The following NPFFR2 variants were observed in gnomAD, a reference collection of about 807,000 sequenced individuals.
NPFFR2 encodes the protein neuropeptide FF receptor 2.
NPFFR2 carries 15 observed loss-of-function variants against 13.1 expected under a neutral mutation model. The ratio of observed to expected loss-of-function variants is 1.15; its 90% CI spans 0.77 to 1.76. NPFFR2 has a LOEUF of 1.76. Among genes scored for constraint, NPFFR2 ranks in the 40% most tolerant of loss-of-function variants. The probability of loss-of-function intolerance (pLI) is 0.00; values close to 1 mark genes in which losing one functional copy is unlikely to be tolerated. For missense variants in NPFFR2, 572 were observed against 503.5 expected, an observed-to-expected ratio of 1.14 and a Z score of -1.30; for synonymous variants, 190 against 175.7, an observed-to-expected ratio of 1.08 and a Z score of -0.65.
At chr4:72,133,115 A>G (rs1181491723) in intron 2 of NPFFR2, among the ~76,000 whole-genome samples, 2 of 152,114 alleles carry the variant, frequency 1.3e-5, no homozygotes, top group African/African-American at 4.8e-5. Flanking sequence ...GTTGTCTTCC[A>G]GAGTTTTCAT....
At chr4:72,057,313 C>T (rs1190505526) in intron 1 of NPFFR2, among the ~76,000 whole-genome samples, 1 of 151,852 alleles carries the variant, frequency 6.6e-6, no homozygotes, top group African/African-American at 2.4e-5. Context: ...AATGTGGTGG[C>T]TTAAAACAAT....
intron 1 of NPFFR2, among the ~76,000 whole-genome samples, chr4:72,109,870 C>T (rs566994191): frequency 3.8e-4 from 57 of 151,954 alleles, no homozygotes; most frequent in Non-Finnish European, 6.5e-4. Context: ...GGGTGTATTG[C>T]CGTTGTTTTC....
chr4:72,143,483 A>G (rs1722692416), intron 3 of NPFFR2, among the ~76,000 whole-genome samples: 1 of 152,188 alleles, frequency 6.6e-6, no homozygotes. Flanking sequence ...TTCTTGTTCT[A>G]TTCAGGCCCT....
chr4:72,140,772 C>T (rs531085534), intron 3 of NPFFR2, among the ~76,000 whole-genome samples: 3 of 152,072 alleles, frequency 2.0e-5, no homozygotes, highest in Non-Finnish European at 2.9e-5. Flanking sequence ...TGATGCTGGC[C>T]TCATAAAATG....
intron 3 of NPFFR2, among the ~76,000 whole-genome samples, chr4:72,143,531 A>C (rs1162082643): frequency 6.6e-6 from 1 of 152,210 alleles, no homozygotes; most frequent in East Asian, 1.9e-4. Flanking sequence ...CTGGGAGGGC[A>C]ATCCACTTTA....
intron 2 of NPFFR2, among the ~76,000 whole-genome samples, chr4:72,136,261 G>A (rs1374205887): frequency 6.6e-6 from 1 of 152,126 alleles, no homozygotes; most frequent in Non-Finnish European, 1.5e-5. Flanking sequence ...AGGAGCTTGA[G>A]GTAGGAGGAT....
At chr4:72,073,858 GAAAA>G (rs1720340724) in intron 1 of NPFFR2, among the ~76,000 whole-genome samples, 1 of 151,124 alleles carries the variant, frequency 6.6e-6, no homozygotes, top group Admixed American at 6.6e-5. Context: ...GGTAACTACA[GAAAA>G]ATAACTAAAG....
At chr4:72,043,122 A>G (rs1490621027) in intron 1 of NPFFR2, among the ~76,000 whole-genome samples, 1 of 152,178 alleles carries the variant, frequency 6.6e-6, no homozygotes, top group African/African-American at 2.4e-5. Flanking sequence ...GCAATTCCCA[A>G]TCCTTGGTAG....
intron 1 of NPFFR2, among the ~76,000 whole-genome samples, chr4:72,098,022 C>A (rs1475987466): frequency 1.3e-5 from 2 of 152,096 alleles, no homozygotes; most frequent in East Asian, 1.9e-4. Flanking sequence ...TGTTTACATA[C>A]AAGTCTTGCT....
intron 1 of NPFFR2, among the ~76,000 whole-genome samples, chr4:72,045,579 T>G (rs1052594844): frequency 1.3e-5 from 2 of 152,318 alleles, no homozygotes; most frequent in Admixed American, 6.5e-5. Context: ...AATTCCCAAA[T>G]GCATTTAGTA....
chr4:72,034,342 A>C (rs1718991961), intron 1 of NPFFR2, among the ~76,000 whole-genome samples: 1 of 152,216 alleles, frequency 6.6e-6, no homozygotes, highest in Admixed American at 6.5e-5. Flanking sequence ...CAATCATGGC[A>C]GAAGGGGAAG....
intron 1 of NPFFR2, among the ~76,000 whole-genome samples, chr4:72,106,393 C>G (rs1721420062): frequency 6.6e-6 from 1 of 151,984 alleles, no homozygotes; most frequent in Non-Finnish European, 1.5e-5. Context: ...CTTTGGTACT[C>G]TATAGTGAGG....
intron 1 of NPFFR2, chr4:72,068,804 T>G (rs1720154567): frequency 5.2e-6 from 2 of 384,852 alleles, no homozygotes; most frequent in South Asian, 7.1e-5. Context: ...TTAATAATGC[T>G]TAAGTTCTAG....
chr4:72,137,587 C>T (rs147205031), intron 2 of NPFFR2, among the ~76,000 whole-genome samples: 34 of 152,230 alleles, frequency 2.2e-4, no homozygotes, highest in African/African-American at 7.2e-4. Context: ...AGAAAACCGA[C>T]GTTCTGACTG....
At chr4:72,100,646 T>C (rs1479389399) in intron 1 of NPFFR2, among the ~76,000 whole-genome samples, 1 of 152,054 alleles carries the variant, frequency 6.6e-6, no homozygotes, top group Non-Finnish European at 1.5e-5. Context: ...AATTTAAAAG[T>C]GTACTTTTCT....
chr4:72,147,218 G>A lies in NPFFR2; in HGVS notation c.669G>A (p.Leu223=). The change falls in exon 4 of 4, where the codon CTG becomes CTA. Residue 223 remains leucine (L), a synonymous_variant. Transcript: ENST00000308744. ...TGAGGAAGATCTACACCACTGTGCT[G>A]TTTGCCAACATCTACCTGGCTCCCC... ...QEMRKIYTTV[L]FANIYLAPLS... The A allele has an allele frequency of 1.9e-6, 3 of 1,614,130 alleles. No homozygotes were observed. Among genetic ancestry groups the A allele is most frequent in the Non-Finnish European group, 2.5e-6 (3 of 1,180,016 alleles).
intron 1 of NPFFR2, among the ~76,000 whole-genome samples, chr4:72,069,454 G>A (rs1720180317): frequency 6.6e-6 from 1 of 151,816 alleles, no homozygotes; most frequent in African/African-American, 2.4e-5. Flanking sequence ...TATAAAACAG[G>A]GTCTTCACCA....
intron 1 of NPFFR2, among the ~76,000 whole-genome samples, chr4:72,075,298 C>T (rs1720393446): frequency 6.6e-6 from 1 of 152,124 alleles, no homozygotes; most frequent in African/African-American, 2.4e-5. Flanking sequence ...CCTTGCTGTT[C>T]AGCCTGGAGA....
chr4:72,040,881 T>G (rs1719194262), intron 1 of NPFFR2, among the ~76,000 whole-genome samples: 1 of 150,748 alleles, frequency 6.6e-6, no homozygotes, highest in Non-Finnish European at 1.5e-5. Context: ...ATCTTTTGCC[T>G]GTTAAATTTA....
Sources: gnomAD v4.1 joint callset for allele counts (sites outside exome capture counted in the v4.1 genomes callset) on GRCh38, gnomAD v4.1.1 for gene constraint, MANE v1.5 for transcripts, NCBI Gene and HGNC (gene_info 2026-07-23, HGNC 2026-07-21) for gene names.